The following UNC5D variants were observed in gnomAD, a reference collection of about 807,000 sequenced individuals.
The protein encoded by UNC5D is netrin receptor UNC5D.
A neutral mutation model predicts 105.4 loss-of-function variants in UNC5D; 39 were observed. The ratio of observed to expected loss-of-function variants is 0.37; its 90% CI spans 0.29 to 0.48. The LOEUF is 0.48. Among genes scored for constraint, UNC5D ranks in the 20% least tolerant of loss-of-function variants. The pLI is 0.98. For synonymous variants in UNC5D, 452 were observed against 450.4 expected (o/e 1.00, Z -0.04); for missense variants, 991 against 1,202.4 (o/e 0.82, Z 2.60).
Position 35,758,854 on chromosome 8 carries a change from A to T in UNC5D, c.2164-466A>T, listed in dbSNP as rs886414604. On this transcript the variant is annotated intron_variant, in intron 13 of 16. Transcript: ENST00000404895. ...GGGACATTTATTTTAAGCCAAAAGAATAAATATCATATAGTGCCTGCATTA... is the reference window on the plus strand; with the variant it reads ...GGGACATTTATTTTAAGCCAAAAGATTAAATATCATATAGTGCCTGCATTA... Among the ~76,000 whole-genome samples the T allele has an allele frequency of 2.0e-5, 3 of 152,226 alleles. No individual in the cohort carries two copies. In the East Asian group the frequency reaches 5.8e-4, roughly 29 times the overall value.
intron 1 of UNC5D, among the ~76,000 whole-genome samples, chr8:35,280,479 T>C (rs889378590): frequency 6.6e-6 from 1 of 152,190 alleles, no homozygotes; most frequent in Non-Finnish European, 1.5e-5. Flanking sequence ...TGCATTGGAA[T>C]TGATTGTGAG....
chr8:35,692,190 G>A (rs1826453349), intron 7 of UNC5D, among the ~76,000 whole-genome samples: 1 of 152,174 alleles, frequency 6.6e-6, no homozygotes, highest in Admixed American at 6.5e-5. Context: ...CCCCATCAAG[G>A]ATAAAGATGT....
chr8:35,701,862 G>T (rs1383441452), intron 7 of UNC5D, among the ~76,000 whole-genome samples: 2 of 149,720 alleles, frequency 1.3e-5, no homozygotes, highest in Admixed American at 1.3e-4. Context: ...CTTGGTGCTG[G>T]AATTATGCTT....
chr8:35,723,480 C>T (rs572533399), intron 9 of UNC5D, among the ~76,000 whole-genome samples: 5 of 152,274 alleles, frequency 3.3e-5, no homozygotes, highest in South Asian at 4.2e-4. Flanking sequence ...TCATAGCTCA[C>T]GGAAGCCTCC....
intron 14 of UNC5D, among the ~76,000 whole-genome samples, chr8:35,766,026 A>G (rs912917029): frequency 1.3e-5 from 2 of 152,178 alleles, no homozygotes; most frequent in Admixed American, 1.3e-4. Flanking sequence ...CTTCTACTTC[A>G]TATTAGTCAC....
chr8:35,712,958 T>A (rs1828045710), intron 8 of UNC5D, among the ~76,000 whole-genome samples: 1 of 152,214 alleles, frequency 6.6e-6, no homozygotes, highest in Non-Finnish European at 1.5e-5. Context: ...AATATAGCAC[T>A]TTCCGAAAAT....
chr8:35,406,064 G>A (rs1338183442), intron 1 of UNC5D, among the ~76,000 whole-genome samples: 1 of 152,138 alleles, frequency 6.6e-6, no homozygotes, highest in African/African-American at 2.4e-5. Context: ...TGTGTTTAAT[G>A]AGATTCTTTG....
At chr8:35,594,587 A>G (rs1239702381) in intron 3 of UNC5D, among the ~76,000 whole-genome samples, 1 of 152,192 alleles carries the variant, frequency 6.6e-6, no homozygotes, top group Non-Finnish European at 1.5e-5. Flanking sequence ...AGTGGCAGCA[A>G]GAATTACCCT....
At chr8:35,575,748 A>C (rs1185599809) in intron 3 of UNC5D, among the ~76,000 whole-genome samples, 6 of 152,206 alleles carry the variant, frequency 3.9e-5, no homozygotes, top group Non-Finnish European at 7.3e-5. Flanking sequence ...AGACAATATT[A>C]TTCTACTCTG....
chr8:35,403,058 T>C (rs1195081797), intron 1 of UNC5D, among the ~76,000 whole-genome samples: 2 of 152,228 alleles, frequency 1.3e-5, no homozygotes, highest in Non-Finnish European at 2.9e-5. Flanking sequence ...AGGGAATACA[T>C]GAGCTAACAT....
chr8:35,559,395 A>G (rs1278824758), intron 2 of UNC5D, among the ~76,000 whole-genome samples: 3 of 152,206 alleles, frequency 2.0e-5, no homozygotes, highest in African/African-American at 7.2e-5. Flanking sequence ...GAACTTCCAA[A>G]TGATTGAAGC....
In UNC5D at chr8:35,687,479, G is replaced by A. The variant is rs377172587; in HGVS notation, c.1084+770G>A. 3.4e-4 allele frequency among the ~76,000 whole-genome samples: 51 copies of A among 151,316 alleles called. No homozygotes were observed. The East Asian group carries it at 7.0e-3, about 21-fold the overall frequency. ...AAAAAAAAAAGTTATGGGGAAAGGA[G>A]AGTGATACCTGAGGAAGTGGGTGGC... is the stretch of plus-strand genomic sequence containing the variant. On this transcript the variant is annotated intron_variant, in intron 7 of 16. Coordinates refer to ENST00000404895, the MANE Select transcript of UNC5D (RefSeq NM_080872.4).
chr8:35,648,405 G>A (rs972749527), intron 4 of UNC5D, among the ~76,000 whole-genome samples: 7 of 152,080 alleles, frequency 4.6e-5, no homozygotes, highest in Middle Eastern at 3.4e-3. Context: ...CTGGCAGTAC[G>A]TGGTGGCTTA....
At chr8:35,677,064 T>A (rs1409495227) in intron 4 of UNC5D, among the ~76,000 whole-genome samples, 2 of 152,122 alleles carry the variant, frequency 1.3e-5, no homozygotes, top group African/African-American at 2.4e-5. Flanking sequence ...AGTCTGACCC[T>A]AACTAGTGGC....
intron 1 of UNC5D, among the ~76,000 whole-genome samples, chr8:35,332,248 T>C (rs1810681249): frequency 6.6e-6 from 1 of 152,214 alleles, no homozygotes; most frequent in Admixed American, 6.5e-5. Context: ...GCTTTCAATG[T>C]GTTCAGTCTG....
intron 1 of UNC5D, among the ~76,000 whole-genome samples, chr8:35,489,009 ATTT>A: frequency 7.0e-6 from 1 of 143,236 alleles, no homozygotes. Flanking sequence ...TCTCCCCCCA[ATTT>A]TTTTTTTTTT....
At chr8:35,776,292 T>A (rs1802241691) in intron 16 of UNC5D, among the ~76,000 whole-genome samples, 1 of 152,220 alleles carries the variant, frequency 6.6e-6, no homozygotes, top group East Asian at 1.9e-4. Context: ...TATGATTTTT[T>A]AAGTCACCAT....
At chr8:35,392,751 G>A (rs994041374) in intron 1 of UNC5D, among the ~76,000 whole-genome samples, 8 of 152,168 alleles carry the variant, frequency 5.3e-5, no homozygotes, top group African/African-American at 1.9e-4. Context: ...TAAAGGGGTG[G>A]AAGATGGTGT....
At chr8:35,697,043 G>A (rs907663195) in intron 7 of UNC5D, among the ~76,000 whole-genome samples, 1 of 151,980 alleles carries the variant, frequency 6.6e-6, no homozygotes, top group Non-Finnish European at 1.5e-5. Context: ...CCTTGTGTCT[G>A]TAACTGTAAA....
Sources: gnomAD v4.1 joint callset for allele counts (sites outside exome capture counted in the v4.1 genomes callset) on GRCh38, gnomAD v4.1.1 for gene constraint, MANE v1.5 for transcripts, NCBI Gene and HGNC (gene_info 2026-07-23, HGNC 2026-07-21) for gene names.